Variants in SIRT2 observed in about 807,000 individuals in gnomAD.
The protein encoded by SIRT2 is NAD-dependent protein deacetylase sirtuin-2.
A neutral mutation model predicts 57.4 loss-of-function variants in SIRT2; 40 were observed. The ratio of observed to expected loss-of-function variants is 0.70; its 90% CI spans 0.54 to 0.91. SIRT2 has a LOEUF of 0.91. SIRT2 is among the 40% of genes least tolerant of loss of function. SIRT2 has a pLI of 0.00. For missense variants in SIRT2, 439 were observed against 510.4 expected (o/e 0.86, Z 1.35); for synonymous variants, 161 against 195.7 (o/e 0.82, Z 1.48).
At position 38,893,854 on chromosome 19, in the gene SIRT2, T is replaced by C. The variant is rs996409143; in HGVS notation, c.77A>G (p.Asp26Gly). The part of the protein sequence containing the change: ...KVQEAQDSDS[D>G]SEGGAAGGEA... Reference sequence around the variant, plus strand: ...TCCACCAGCGGCTCCTCCCTCAGAGTCTGAATCTGAGTCCTGGAAGGGGTG... The same window carrying C: ...TCCACCAGCGGCTCCTCCCTCAGAGCCTGAATCTGAGTCCTGGAAGGGGTG... Residue 26 changes from aspartate (D) to glycine (G), a missense_variant, in exon 3 of 16, where the codon GAC becomes GGC. By Grantham distance (94) the Asp-to-Gly change is moderately conservative (BLOSUM62 -1). Coordinates refer to ENST00000249396, the MANE Select transcript of SIRT2 (RefSeq NM_012237.4). 6.2e-7 allele frequency: 1 copy of C among 1,613,542 alleles called. No homozygotes were observed. The highest frequency in any genetic ancestry group is 8.5e-7 in the Non-Finnish European group (1 of 1,179,902).
At chr19:38,893,982 G>A (rs756336114) in intron 2 of SIRT2, 115 bp from the exon 3 acceptor site, 39 of 1,560,322 alleles carry the variant, frequency 2.5e-5, no homozygotes, top group Non-Finnish European at 2.6e-5. Context: ...CTGAGGAAGT[G>A]CGGGGTGGTG....
Position 38,879,187 on chromosome 19 carries a change from C to A in SIRT2, c.1138G>T (p.Ala380Ser), listed in dbSNP as rs751205777. The A allele has an allele frequency of 1.3e-6, 2 of 1,586,566 alleles. No homozygotes were observed. The highest frequency in any genetic ancestry group is 1.7e-6 in the Non-Finnish European group (2 of 1,172,684). The change falls in exon 16 of 16, where the codon GCC becomes TCC. Residue 380 changes from alanine to serine, a missense_variant. Ala to Ser is a moderately conservative substitution (Grantham distance 99). Coordinates refer to ENST00000249396, the MANE Select transcript of SIRT2 (RefSeq NM_012237.4). Reference sequence around the variant, plus strand: ...GGTTTCTCCCTCTCTGTTGTCCTGGCCTCGTCCTTGGCAGGTGGCGGGGAC... The same window carrying A: ...GGTTTCTCCCTCTCTGTTGTCCTGGACTCGTCCTTGGCAGGTGGCGGGGAC... Reference protein sequence around the residue: ...KKSPPPAKDEARTTEREKPQ With the variant: ...KKSPPPAKDESRTTEREKPQ
chr19:38,891,794 C>G, intron 4 of SIRT2: 1 of 454,804 alleles, frequency 2.2e-6, no homozygotes, highest in Non-Finnish European at 4.6e-6. Context: ...AGCCAATTAC[C>G]CCAGAATCCA....
intron 4 of SIRT2, 139 bp downstream of exon 4, chr19:38,893,275 T>C (rs1973602391): frequency 3.1e-6 from 2 of 641,684 alleles, no homozygotes; most frequent in African/African-American, 3.6e-5. Context: ...ACACTCCTTT[T>C]TGGCTTAAGC....
rs1430999088 is a variant in SIRT2 at position 38,883,696 on chromosome 19, C to T, written c.562G>A (p.Gly188Ser). ...LEQEDLVEAH[G>S]TFYTSHCVSA... ...ACGCAGTGTGATGTGTAGAAGGTGC[C>T]GTGCGCCTCCACCAAGTCCTCCTGT... The change falls in exon 9 of 16, where the codon GGC becomes AGC. Residue 188 changes from glycine (G) to serine (S), a missense_variant. Transcript: ENST00000249396. 5.0e-6 allele frequency: 8 copies of T among 1,613,932 alleles called. No individual in the cohort carries two copies. Among genetic ancestry groups the T allele is most frequent in the Admixed American group, 1.7e-5 (1 of 60,000 alleles).
rs1331263173 is a variant in SIRT2, at chr19:38,899,564, G to T, written c.-43C>A. On this transcript the variant is annotated 5_prime_UTR_variant, in exon 1 of 16. Coordinates refer to ENST00000249396, the MANE Select transcript of SIRT2 (RefSeq NM_012237.4). ...CCTTGAGGCTGTCACCGACCGCTCTGTCCCGTCACCAACCACTGTGTCCCG... is the reference window on the plus strand; with the variant it reads ...CCTTGAGGCTGTCACCGACCGCTCTTTCCCGTCACCAACCACTGTGTCCCG... 6.2e-7 allele frequency: 1 copy of T among 1,613,626 alleles called. No individual in the cohort carries two copies. Among genetic ancestry groups the T allele is most frequent in the East Asian group, 2.2e-5 (1 of 44,878 alleles).
At position 38,882,501 on chromosome 19, in the gene SIRT2, A is replaced by G. The variant is rs540935057; in HGVS notation, c.632-1010T>C. ...AATATAAAAATTAGCCAGGGGTTGT[A>G]GCACGTGCCTGTAATCCCAGCTACT... On this transcript the variant is annotated intron_variant, in intron 9 of 15. Coordinates refer to ENST00000249396, the MANE Select transcript of SIRT2 (RefSeq NM_012237.4). 1.4e-4 allele frequency among the ~76,000 whole-genome samples: 22 copies of G among 152,060 alleles called. No individual in the cohort carries two copies. In the South Asian group the frequency reaches 3.9e-3, roughly 27 times the overall value.
rs201592098 is a variant in SIRT2 at position 38,899,557 on chromosome 19, C to A, written c.-36G>T. 1.9e-6 allele frequency: 3 copies of A among 1,613,770 alleles called. No individual in the cohort carries two copies. The highest frequency in any genetic ancestry group is 2.5e-6 in the Non-Finnish European group (3 of 1,179,928). Reference sequence around the variant, plus strand: ...CTGAAGCCCTTGAGGCTGTCACCGACCGCTCTGTCCCGTCACCAACCACTG... The same window carrying A: ...CTGAAGCCCTTGAGGCTGTCACCGAACGCTCTGTCCCGTCACCAACCACTG... On this transcript the variant is annotated 5_prime_UTR_variant, in exon 1 of 16. Coordinates refer to ENST00000249396, the MANE Select transcript of SIRT2 (RefSeq NM_012237.4).
In SIRT2 at chr19:38,890,088, A is replaced by T; in HGVS notation, c.268+15T>A. On this transcript the variant is annotated intron_variant, in intron 5 of 15. Transcript: ENST00000249396. Reference sequence around the variant, plus strand: ...AGTTCCTGGGGGTAGCTGCTGGGGGAGAAGGGTTACTTACATGTGGAGATT... The same window carrying T: ...AGTTCCTGGGGGTAGCTGCTGGGGGTGAAGGGTTACTTACATGTGGAGATT... 3 of 1,614,008 alleles carry T rather than the reference A, an allele frequency of 1.9e-6. No individual in the cohort carries two copies. The highest frequency in any genetic ancestry group is 2.5e-6 in the Non-Finnish European group (3 of 1,179,972).
chr19:38,893,548 C>A, intron 3 of SIRT2, 21 bp from the exon 4 acceptor site: 1 of 1,555,182 alleles, frequency 6.4e-7, no homozygotes, highest in Non-Finnish European at 8.9e-7. Context: ...AGAAGAGAGA[C>A]AGCGGCAGGA....
intron 8 of SIRT2, 132 bp downstream of exon 8, chr19:38,888,955 A>C: frequency 1.3e-6 from 1 of 748,244 alleles, no homozygotes; most frequent in Non-Finnish European, 2.3e-6. Flanking sequence ...AGGAGGCAGT[A>C]GGCCAAGCCC....
chr19:38,879,694 A>G lies in SIRT2; in HGVS notation c.885T>C (p.Pro295=). 1 of 1,568,848 alleles carries G rather than the reference A, an allele frequency of 6.4e-7. No homozygotes were observed. The highest frequency in any genetic ancestry group is 8.6e-7 in the Non-Finnish European group (1 of 1,156,426). ...INKEKAGQSD[P]FLGMIMGLGG... ...CGAGGCCCATAATCATCCCCAGGAAAGGGTCCGACTGTCAGGGAGGGGGTG... is the reference window on the plus strand; with the variant it reads ...CGAGGCCCATAATCATCCCCAGGAAGGGGTCCGACTGTCAGGGAGGGGGTG... Residue 295 remains proline, a synonymous_variant, in exon 14 of 16, where the codon CCT becomes CCC. Coordinates refer to ENST00000249396, the MANE Select transcript of SIRT2 (RefSeq NM_012237.4).
At chr19:38,889,233 T>TAGGC in intron 7 of SIRT2, 78 bp from the exon 8 acceptor site, 1 of 1,346,592 alleles carries the variant, frequency 7.4e-7, no homozygotes, top group Non-Finnish European at 1.1e-6. Context: ...GGAACTGTTC[T>TAGGC]AGGCACTGTG....
intron 9 of SIRT2, among the ~76,000 whole-genome samples, chr19:38,883,356 T>G (rs1480263474): frequency 1.3e-5 from 2 of 152,026 alleles, no homozygotes; most frequent in African/African-American, 4.8e-5. Flanking sequence ...CCCAAAGTGC[T>G]AGGATTACAG....
chr19:38,878,945 T>G lies in SIRT2; in HGVS notation c.*210A>C. The G allele has an allele frequency of 3.8e-6, 2 of 531,072 alleles. No homozygotes were observed. Among genetic ancestry groups the G allele is most frequent in the Non-Finnish European group, 6.5e-6 (2 of 306,616 alleles). The allele number at this position is 531,072 out of a possible 1,614,324, so 32.9% of individuals were successfully genotyped here. A position where few individuals can be genotyped will look rare whatever the true frequency, so the allele number is the denominator to read the frequency against. ...AGACAGTGGGGCTGGTAGAGATGCC[T>G]GTTTAAGCCTTGGCCTCTAGGAGGT... is the stretch of plus-strand genomic sequence containing the variant. On this transcript the variant is annotated 3_prime_UTR_variant, in exon 16 of 16. Coordinates refer to ENST00000249396, the MANE Select transcript of SIRT2 (RefSeq NM_012237.4).
At chr19:38,888,267 A>G (rs1176439084) in intron 8 of SIRT2, among the ~76,000 whole-genome samples, 1 of 151,610 alleles carries the variant, frequency 6.6e-6, no homozygotes, top group African/African-American at 2.4e-5. Flanking sequence ...TGACTTCCTG[A>G]ACTCAAGCAA....
intron 8 of SIRT2, among the ~76,000 whole-genome samples, chr19:38,888,385 C>T (rs1402237903): frequency 6.6e-6 from 1 of 151,878 alleles, no homozygotes; most frequent in African/African-American, 2.4e-5. Context: ...GTTGCCCAGG[C>T]GGGTCCCAAA....
intron 1 of SIRT2, among the ~76,000 whole-genome samples, chr19:38,899,282 T>A (rs1176284066): frequency 1.3e-5 from 2 of 152,082 alleles, no homozygotes; most frequent in African/African-American, 4.8e-5. Context: ...ACGCGATCAT[T>A]GGCAACTTGG....
chr19:38,881,617 G>T (rs2144669454), intron 9 of SIRT2, 126 bp from the exon 10 acceptor site: 2 of 739,624 alleles, frequency 2.7e-6, no homozygotes, highest in South Asian at 1.6e-5. Context: ...GGAGTGTGAT[G>T]GGTGTCTCCT....
Sources: gnomAD v4.1 joint callset for allele counts (sites outside exome capture counted in the v4.1 genomes callset) on GRCh38, gnomAD v4.1.1 for gene constraint, MANE v1.5 for transcripts, NCBI Gene and HGNC (gene_info 2026-07-23, HGNC 2026-07-21) for gene names.